The following NSUN3 variants were observed in gnomAD, a reference collection of about 807,000 sequenced individuals.
The protein encoded by NSUN3 is tRNA (cytosine(34)-C(5))-methyltransferase, mitochondrial.
NSUN3 carries 24 observed loss-of-function variants against 36.8 expected under a neutral mutation model. That is an observed-to-expected ratio of 0.65 (90% CI 0.47 to 0.92). NSUN3 has a LOEUF of 0.92. Among genes scored for constraint, NSUN3 ranks in the 40% least tolerant of loss-of-function variants. The probability of loss-of-function intolerance (pLI) is 0.00; values close to 1 mark genes in which losing one functional copy is unlikely to be tolerated. For synonymous variants in NSUN3, 146 were observed against 145.2 expected (o/e 1.01, Z -0.04); for missense variants, 381 against 392.8 (o/e 0.97, Z 0.25).
At position 94,064,506 on chromosome 3, in the gene NSUN3, C is replaced by T. The variant is rs762156840; in HGVS notation, c.82C>T (p.Gln28Ter). 1 of 1,613,168 alleles carries T rather than the reference C, an allele frequency of 6.2e-7. No individual in the cohort carries two copies. Among genetic ancestry groups the T allele is most frequent in the Non-Finnish European group, 8.5e-7 (1 of 1,179,214 alleles). Reference sequence around the variant, plus strand: ...AGTTGTGTTGGATCATTTTGAAAAACAGTATTCCAAAGAACTCGGAGATGC... The same window carrying T: ...AGTTGTGTTGGATCATTTTGAAAAATAGTATTCCAAAGAACTCGGAGATGC... The part of the protein sequence containing the change: ...CKVVLDHFEK[Q>*]YSKELGDAWN... Residue 28 changes from glutamine to a stop codon, truncating the protein, a stop_gained, in exon 2 of 6, where the codon CAG becomes TAG. Coordinates refer to ENST00000314622, the MANE Select transcript of NSUN3 (RefSeq NM_022072.5). LOFTEE classifies it high-confidence loss of function.
At position 94,094,222 on chromosome 3, in the gene NSUN3, G is replaced by A. The variant is rs147353366; in HGVS notation, c.549G>A (p.Leu183=). Residue 183 remains leucine, a synonymous_variant, in exon 4 of 6, where the codon TTG becomes TTA. Coordinates refer to ENST00000314622, the MANE Select transcript of NSUN3 (RefSeq NM_022072.5). The part of the protein sequence containing the change: ...QTLESFIPQP[L]INVIKVSELD... The stretch of plus-strand genomic sequence containing the variant: ...TGGAATCTTTCATCCCACAGCCTTT[G>A]ATAAATGTAATTAAAGTGTCTGAAT... 225 of 1,613,654 alleles carry A rather than the reference G, an allele frequency of 1.4e-4. No individual in the cohort carries two copies. The African/African-American group carries it at 2.8e-3, about 20-fold the overall frequency.
intron 5 of NSUN3, among the ~76,000 whole-genome samples, chr3:94,124,308 G>T (rs1033464418): frequency 6.6e-6 from 1 of 151,468 alleles, no homozygotes; most frequent in Non-Finnish European, 1.5e-5. Context: ...ATCCACCACC[G>T]CACCTGGCTG....
chr3:94,087,777 C>T (rs894912914), intron 3 of NSUN3, among the ~76,000 whole-genome samples: 30 of 152,076 alleles, frequency 2.0e-4, no homozygotes, highest in African/African-American at 7.3e-4. Flanking sequence ...TTCAAGTCAT[C>T]CTCCCTCCTC....
chr3:94,126,681 T>C lies in NSUN3; in HGVS notation c.*191T>C. On this transcript the variant is annotated 3_prime_UTR_variant, in exon 6 of 6. Transcript: ENST00000314622. ...TATTTTTTTCCTAGAAATATATCTG[T>C]AACAATGATTTAAGGTGGTGCAGAT... 1.8e-6 allele frequency: 1 copy of C among 549,566 alleles called. No individual in the cohort carries two copies. The highest frequency in any genetic ancestry group is 2.7e-5 in the South Asian group (1 of 37,188). The allele number at this position is 549,566 out of a possible 1,614,324, so 34.0% of individuals were successfully genotyped here.
At chr3:94,117,189 G>A (rs1469648609) in intron 5 of NSUN3, among the ~76,000 whole-genome samples, 1 of 151,834 alleles carries the variant, frequency 6.6e-6, no homozygotes, top group African/African-American at 2.4e-5. Flanking sequence ...TGGTAGAGAC[G>A]AGTTTTCACC....
At chr3:94,080,942 C>T (rs539516783) in intron 2 of NSUN3, among the ~76,000 whole-genome samples, 26 of 152,242 alleles carry the variant, frequency 1.7e-4, no homozygotes, top group African/African-American at 5.8e-4. Context: ...GTGCTTCAGG[C>T]GCCACTGGGG....
chr3:94,070,000 T>C (rs979471121), intron 2 of NSUN3, among the ~76,000 whole-genome samples: 17 of 152,178 alleles, frequency 1.1e-4, no homozygotes, highest in African/African-American at 4.1e-4. Flanking sequence ...AATATTTTTC[T>C]TTTGTTTCTT....
intron 2 of NSUN3, among the ~76,000 whole-genome samples, chr3:94,083,243 C>A (rs191486422): frequency 5.9e-4 from 89 of 152,134 alleles, no homozygotes; most frequent in African/African-American, 2.0e-3. Flanking sequence ...GTCTTGACTG[C>A]AAGTTGTCCA....
Position 94,129,321 on chromosome 3 carries a change from G to A in NSUN3, c.*2831G>A, listed in dbSNP as rs1345663632. On this transcript the variant is annotated 3_prime_UTR_variant, in exon 6 of 6. Transcript: ENST00000314622. ...TATACCTCGTGTAATATTACACAGT[G>A]ATAAAAAAGAATGAAATAATGTCTT... Among the ~76,000 whole-genome samples, 4 of 152,190 alleles carry A rather than the reference G, an allele frequency of 2.6e-5. No individual in the cohort carries two copies. The highest frequency in any genetic ancestry group is 9.6e-5 in the African/African-American group (4 of 41,464).
rs1408965176 is a variant in NSUN3, at chr3:94,064,507, A to G, written c.83A>G (p.Gln28Arg). 3 of 1,612,888 alleles carry G rather than the reference A, an allele frequency of 1.9e-6. No individual in the cohort carries two copies. Among genetic ancestry groups the G allele is most frequent in the Non-Finnish European group, 8.5e-7 (1 of 1,178,912 alleles). ...GTTGTGTTGGATCATTTTGAAAAAC[A>G]GTATTCCAAAGAACTCGGAGATGCC... The part of the protein sequence containing the change: ...CKVVLDHFEK[Q>R]YSKELGDAWN... Residue 28 changes from glutamine to arginine, a missense_variant, in exon 2 of 6, where the codon CAG becomes CGG. Physicochemically the swap from Gln to Arg is conservative, Grantham distance 43. Transcript: ENST00000314622.
At chr3:94,086,938 G>T (rs931377400) in intron 3 of NSUN3, among the ~76,000 whole-genome samples, 4 of 152,150 alleles carry the variant, frequency 2.6e-5, no homozygotes, top group African/African-American at 9.7e-5. Context: ...GTCAAATTTG[G>T]TTACCATTTT....
intron 2 of NSUN3, among the ~76,000 whole-genome samples, chr3:94,070,887 A>G (rs1170981976): frequency 6.6e-6 from 1 of 152,244 alleles, no homozygotes; most frequent in East Asian, 1.9e-4. Context: ...TTGAGATGTC[A>G]GCTATCAATT....
intron 2 of NSUN3, among the ~76,000 whole-genome samples, chr3:94,081,152 G>T (rs559527444): frequency 1.6e-4 from 25 of 152,196 alleles, no homozygotes; most frequent in African/African-American, 6.0e-4. Flanking sequence ...GCTTCCCTTG[G>T]GTAGGGGAGA....
At position 94,076,675 on chromosome 3, in the gene NSUN3, GCAGTCTC is replaced by G. The variant is rs539219227; in HGVS notation, c.123-7428_123-7422del. On this transcript the variant is annotated intron_variant, in intron 2 of 5. Transcript: ENST00000314622. ...GTCCATGGAGACGCAAGTCTGAGTT[GCAGTCTC>G]CAGAAAGATCTGGTTTAGGATGTTT... is the stretch of plus-strand genomic sequence containing the variant. 3.9e-3 allele frequency: 4,520 copies of G among 1,154,518 alleles called. 13 individuals are homozygous for G. Among genetic ancestry groups the G allele is most frequent in the Non-Finnish European group, 5.3e-3 (4,032 of 764,580 alleles). 71.5% of individuals were successfully genotyped at this position (1,154,518 alleles called of 1,614,324 possible).
chr3:94,091,594 G>A (rs918485236), intron 3 of NSUN3, among the ~76,000 whole-genome samples: 5 of 152,174 alleles, frequency 3.3e-5, no homozygotes, highest in Non-Finnish European at 5.9e-5. Flanking sequence ...AGAGTGTTAC[G>A]AGATTCTTGT....
At chr3:94,069,970 A>AT (rs896353836) in intron 2 of NSUN3, among the ~76,000 whole-genome samples, 16 of 151,314 alleles carry the variant, frequency 1.1e-4, no homozygotes, top group African/African-American at 2.2e-4. Context: ...GTTTTACTTA[A>AT]TTTTTTTTTG....
chr3:94,072,053 C>T (rs1294341581), intron 2 of NSUN3, among the ~76,000 whole-genome samples: 1 of 152,136 alleles, frequency 6.6e-6, no homozygotes, highest in Non-Finnish European at 1.5e-5. Flanking sequence ...CTAGGAAGCA[C>T]CAGCCTGAGC....
In NSUN3 at chr3:94,126,544, G is replaced by A; in HGVS notation, c.*54G>A. ...TATTATATTTATATTTCTGAACTCAGTACATGTTAATATTTAAATAATTAT... is the reference window on the plus strand; with the variant it reads ...TATTATATTTATATTTCTGAACTCAATACATGTTAATATTTAAATAATTAT... On this transcript the variant is annotated 3_prime_UTR_variant, in exon 6 of 6. Coordinates refer to ENST00000314622, the MANE Select transcript of NSUN3 (RefSeq NM_022072.5). 6.8e-7 allele frequency: 1 copy of A among 1,462,132 alleles called. No individual in the cohort carries two copies. The highest frequency in any genetic ancestry group is 9.3e-7 in the Non-Finnish European group (1 of 1,075,034). The allele number at this position is 1,462,132 out of a possible 1,614,324, so 90.6% of individuals were successfully genotyped here.
rs2077497635 is a variant in NSUN3 at position 94,128,582 on chromosome 3, T to C, written c.*2092T>C. 1 of 146,534 alleles carries C rather than the reference T, an allele frequency of 6.8e-6. No individual in the cohort carries two copies. Among genetic ancestry groups the C allele is most frequent in the Non-Finnish European group, 1.5e-5 (1 of 66,754 alleles). The allele number at this position is 146,534 out of a possible 1,614,324, so 9.1% of individuals were successfully genotyped here. ...GTGTGTGTGTGTGTGTGTGTGTGTG[T>C]GTATATATATATATATATATAATTT... On this transcript the variant is annotated 3_prime_UTR_variant, in exon 6 of 6. Coordinates refer to ENST00000314622, the MANE Select transcript of NSUN3 (RefSeq NM_022072.5).
Sources: allele counts gnomAD v4.1 joint callset (sites outside exome capture counted in the v4.1 genomes callset), GRCh38; gene constraint gnomAD v4.1.1; transcripts MANE v1.5; gene names NCBI Gene and HGNC (gene_info 2026-07-23, HGNC 2026-07-21).